RNF213: variants seen among roughly 807,000 people sequenced by gnomAD.
RNF213 encodes the protein ring finger protein 213.
In RNF213, 341 loss-of-function variants were observed where a neutral mutation model predicts 514.4. That is an observed-to-expected ratio of 0.66 (90% CI 0.61 to 0.73). The LOEUF is 0.73. Among genes scored for constraint, RNF213 ranks in the 30% least tolerant of loss-of-function variants. The probability of loss-of-function intolerance (pLI) is 0.00; values close to 1 mark genes in which losing one functional copy is unlikely to be tolerated. For missense variants in RNF213, 5,767 were observed against 6,615.6 expected (o/e 0.87, Z 4.45); for synonymous variants, 2,655 against 2,658.2 (o/e 1.00, Z 0.04).
rs2144691044 is a variant in RNF213 at position 80,394,211 on chromosome 17, T to C, written c.*713T>C. ...TCTCACGCATAAAATGGAGAGTGGA[T>C]TAATCGCCAAAGATTCTTCTGATCT... is the stretch of plus-strand genomic sequence containing the variant. On this transcript the variant is annotated 3_prime_UTR_variant, in exon 68 of 68. Transcript: ENST00000582970. 1 of 152,376 alleles carries C rather than the reference T, an allele frequency of 6.6e-6. No individual in the cohort carries two copies. Among genetic ancestry groups the C allele is most frequent in the East Asian group, 1.9e-4 (1 of 5,190 alleles). 9.4% of individuals were successfully genotyped at this position (152,376 alleles called of 1,614,324 possible). A position where few individuals can be genotyped will look rare whatever the true frequency, so the allele number is the denominator to read the frequency against.
chr17:80,322,546 G>T (rs559943593), intron 17 of RNF213, among the ~76,000 whole-genome samples: 17 of 151,844 alleles, frequency 1.1e-4, no homozygotes, highest in African/African-American at 3.9e-4. Context: ...ACTGCACTCC[G>T]GCCTGGGCGA....
chr17:80,347,329 C>G lies in RNF213; in HGVS notation c.8994C>G (p.Ile2998Met), dbSNP rs376776051. The G allele has an allele frequency of 4.3e-6, 7 of 1,614,020 alleles. No homozygotes were observed. In the South Asian group the frequency reaches 5.5e-5, roughly 13 times the overall value. The change falls in exon 29 of 68, where the codon ATC becomes ATG. Residue 2998 changes from isoleucine to methionine, a missense_variant. By Grantham distance (10) the Ile-to-Met change is conservative (BLOSUM62 1). Around this residue, in one of 13 missense-constraint regions of RNF213, gnomAD observed 919 missense variants for 1,121.0 expected, o/e 0.82. Coordinates refer to ENST00000582970, the MANE Select transcript of RNF213 (RefSeq NM_001256071.3). The surrounding 1 kb of genome is among the most constrained non-coding windows in gnomAD (Gnocchi z 7.2). The part of the protein sequence containing the change: ...SGKDDIQALD[I>M]FLANLPEAKC... ...AGGATGACATCCAAGCTTTGGACAT[C>G]TTTCTGGCCAATTTGCCCGAGGCCA...
At chr17:80,307,362 GTTT>G (rs58826434) in intron 13 of RNF213, among the ~76,000 whole-genome samples, 161 bp downstream of exon 13, 3 of 113,710 alleles carry the variant, frequency 2.6e-5, no homozygotes, top group Non-Finnish European at 1.7e-5. Flanking sequence ...ATTGTCGTCT[GTTT>G]TTTTTTTTTT....
chr17:80,268,609 G>GTCCA (rs143520187), intron 2 of RNF213, among the ~76,000 whole-genome samples: 38 of 147,418 alleles, frequency 2.6e-4, no homozygotes, highest in Non-Finnish European at 3.4e-4. Flanking sequence ...CCATCTGTTT[G>GTCCA]TCCATCCATC....
chr17:80,381,816 A>G, intron 57 of RNF213, 89 bp downstream of exon 57: 4 of 1,155,618 alleles, frequency 3.5e-6, no homozygotes, highest in Non-Finnish European at 5.0e-6. Context: ...CCCCACACAC[A>G]GCCAGTCTGA....
At chr17:80,341,455 C>G (rs2078153382) in intron 26 of RNF213, 3 of 152,212 alleles carry the variant, frequency 2.0e-5, no homozygotes, top group Admixed American at 6.5e-5. Flanking sequence ...ATTACTCTTC[C>G]CCTCCCTGCT....
At chr17:80,356,152 C>T (rs2078810113) in intron 36 of RNF213, among the ~76,000 whole-genome samples, 1 of 152,176 alleles carries the variant, frequency 6.6e-6, no homozygotes, top group African/African-American at 2.4e-5. Context: ...TAGGCACCCA[C>T]CACCACACCC....
rs2078351263 is a variant in RNF213 at position 80,347,474 on chromosome 17, A to G, written c.9139A>G (p.Lys3047Glu). The G allele has an allele frequency of 1.2e-6, 2 of 1,613,964 alleles. No homozygotes were observed. The highest frequency in any genetic ancestry group is 1.7e-6 in the Non-Finnish European group (2 of 1,180,032). ...AESRYLLVLT[K>E]NYVALQILQQ... is the part of the protein sequence containing the mutation. ...GTCCCGCTACTTACTCGTGCTGACC[A>G]AAAACTACGTGGCACTGCAGATCCT... The change falls in exon 29 of 68, where the codon AAA becomes GAA. Residue 3047 changes from lysine (K) to glutamate (E), a missense_variant. Around this residue, in one of 13 missense-constraint regions of RNF213, gnomAD observed 919 missense variants for 1,121.0 expected, o/e 0.82. Transcript: ENST00000582970. This position sits in a 1 kb window ranked among gnomAD's most constrained non-coding sequence, Gnocchi z 7.2.
chr17:80,384,045 G>C, intron 59 of RNF213, 117 bp downstream of exon 59: 1 of 1,299,432 alleles, frequency 7.7e-7, no homozygotes, highest in South Asian at 1.2e-5. Context: ...CCAGTGCTTT[G>C]GTTTTGAATA....
intron 10 of RNF213, among the ~76,000 whole-genome samples, 156 bp downstream of exon 10, chr17:80,295,969 T>C (rs1257937624): frequency 6.6e-6 from 1 of 152,192 alleles, no homozygotes; most frequent in African/African-American, 2.4e-5. Flanking sequence ...TCAGTAGTTT[T>C]TCCTAGCATC....
chr17:80,380,214 A>G (rs1247158144), intron 55 of RNF213, among the ~76,000 whole-genome samples: 5 of 152,190 alleles, frequency 3.3e-5, no homozygotes, highest in Non-Finnish European at 5.9e-5. Flanking sequence ...CGATCCCACA[A>G]TCCCATGCTG....
chr17:80,396,584 C>T lies in RNF213; in HGVS notation c.*3086C>T, dbSNP rs1053832040. On this transcript the variant is annotated 3_prime_UTR_variant, in exon 68 of 68. Transcript: ENST00000582970. ...AGGTGGCTGGAGAAAACCTGAGCCT[C>T]GAGCTGAGTAACAATCCAAGCCATG... 2 of 152,212 alleles carry T rather than the reference C, an allele frequency of 1.3e-5. No individual in the cohort carries two copies. Among genetic ancestry groups the T allele is most frequent in the African/African-American group, 4.8e-5 (2 of 41,444 alleles). 9.4% of individuals were successfully genotyped at this position (152,212 alleles called of 1,614,324 possible).
rs1475683743 is a variant in RNF213 at position 80,336,312 on chromosome 17, A to G, written c.4461A>G (p.Ala1487=). ...TGGACCCCAGCGTGGACTTCAGTGC[A>G]TTCATGAAGCATCTGAAAAAGCTGT... The part of the protein sequence containing the change: ...FKLDPSVDFS[A]FMKHLKKLWK... Residue 1487 remains alanine (A), a synonymous_variant, in exon 23 of 68, where the codon GCA becomes GCG. Transcript: ENST00000582970. The G allele has an allele frequency of 2.0e-6, 3 of 1,537,158 alleles. No individual in the cohort carries two copies. Among genetic ancestry groups the G allele is most frequent in the Admixed American group, 2.0e-5 (1 of 50,958 alleles).
At chr17:80,297,711 C>T (rs757889244) in intron 10 of RNF213, among the ~76,000 whole-genome samples, 10 of 150,604 alleles carry the variant, frequency 6.6e-5, no homozygotes, top group Admixed American at 2.0e-4. Flanking sequence ...GGCGTGAACC[C>T]GAGAGGCAGA....
In RNF213 at chr17:80,354,166, G is replaced by T; in HGVS notation, c.10726G>T (p.Ala3576Ser). ...GLLNEDDACHASFLRVSKMRL... is the reference protein window; with the variant it reads ...GLLNEDDACHSSFLRVSKMRL... ...CTTGAATGAGGATGACGCGTGCCACGGTATGAGCCTCCCCACCCCTCTTGC... is the reference window on the plus strand; with the variant it reads ...CTTGAATGAGGATGACGCGTGCCACTGTATGAGCCTCCCCACCCCTCTTGC... The change falls in exon 35 of 68, where the codon GCC becomes TCC. Residue 3576 changes from alanine (A) to serine (S), a missense_variant and splice_region_variant. Physicochemically the swap from Ala to Ser is moderately conservative, Grantham distance 99 (BLOSUM62 1). Coordinates refer to ENST00000582970, the MANE Select transcript of RNF213 (RefSeq NM_001256071.3). 1 of 1,613,364 alleles carries T rather than the reference G, an allele frequency of 6.2e-7. No individual in the cohort carries two copies. Among genetic ancestry groups the T allele is most frequent in the Non-Finnish European group, 8.5e-7 (1 of 1,180,012 alleles).
rs1368513098 is a variant in RNF213 at position 80,393,554 on chromosome 17, G to T, written c.*56G>T. The stretch of plus-strand genomic sequence containing the variant: ...TTGGAGAGAAGACTCCTCTCTCCTC[G>T]TCTGCGGCGTGGACTTGATCATGGA... On this transcript the variant is annotated 3_prime_UTR_variant, in exon 68 of 68. Transcript: ENST00000582970. The T allele has an allele frequency of 1.3e-6, 2 of 1,571,502 alleles. No individual in the cohort carries two copies.
At chr17:80,284,347 A>G (rs1210067113) in intron 3 of RNF213, among the ~76,000 whole-genome samples, 2 of 151,030 alleles carry the variant, frequency 1.3e-5, no homozygotes, top group Non-Finnish European at 3.0e-5. Context: ...CTGGGCAACA[A>G]GAGTGAAACT....
At position 80,264,009 on chromosome 17, in the gene RNF213, A is replaced by C. The variant is rs1241222578; in HGVS notation, c.97+231A>C. 1.3e-5 allele frequency among the ~76,000 whole-genome samples: 2 copies of C among 152,152 alleles called. No homozygotes were observed. Among genetic ancestry groups the C allele is most frequent in the Non-Finnish European group, 2.9e-5 (2 of 68,010 alleles). ...ACACAGGTCAAGCCAGGGGACCACC[A>C]CCCAGTGCTTCCGTCCCTCGTTCAG... On this transcript the variant is annotated intron_variant, in intron 2 of 67. Transcript: ENST00000582970. The surrounding 1 kb of genome is among the most constrained non-coding windows in gnomAD (Gnocchi z 5.0).
In RNF213 at chr17:80,337,474, C is replaced by T. The variant is rs533144062; in HGVS notation, c.4528-112C>T. On this transcript the variant is annotated intron_variant, in intron 23 of 67. Coordinates refer to ENST00000582970, the MANE Select transcript of RNF213 (RefSeq NM_001256071.3). ...GACTGCGTCCTGAGCCCTGGGGAAG[C>T]GTGGGGAGAAGGCTCTGCAGCGAGG... 41 of 1,384,748 alleles carry T rather than the reference C, an allele frequency of 3.0e-5. No homozygotes were observed. In the African/African-American group the frequency reaches 4.0e-4, roughly 14 times the overall value. 85.8% of individuals were successfully genotyped at this position (1,384,748 alleles called of 1,614,324 possible). A position where few individuals can be genotyped will look rare whatever the true frequency, so the allele number is the denominator to read the frequency against.
Sources: allele counts gnomAD v4.1 joint callset (sites outside exome capture counted in the v4.1 genomes callset), GRCh38; gene constraint gnomAD v4.1.1; regional missense constraint gnomAD v4.1.1; non-coding constraint Gnocchi (gnomAD v3.1); transcripts MANE v1.5; gene names NCBI Gene and HGNC (gene_info 2026-07-23, HGNC 2026-07-21).